FEZ1: variants seen among roughly 807,000 people sequenced by gnomAD.
FEZ1 encodes fasciculation and elongation protein zeta 1, also known as fasciculation and elongation protein zeta-1.
FEZ1 carries 20 observed loss-of-function variants against 49.3 expected under a neutral mutation model. The observed-to-expected ratio is 0.41, with a 90% CI of 0.29 to 0.59. The LOEUF is 0.59. FEZ1 is among the 20% of genes least tolerant of loss of function. The probability of loss-of-function intolerance (pLI) is 0.36; values close to 1 mark genes in which losing one functional copy is unlikely to be tolerated. For synonymous variants in FEZ1, 170 were observed against 180.9 expected, an observed-to-expected ratio of 0.94 and a Z score of 0.48; for missense variants, 413 against 476.0, an observed-to-expected ratio of 0.87 and a Z score of 1.23.
intron 5 of FEZ1, among the ~76,000 whole-genome samples, chr11:125,457,097 C>T (rs937358577): frequency 1.3e-5 from 2 of 151,638 alleles, no homozygotes; most frequent in Non-Finnish European, 2.9e-5. Context: ...GCAGGAGAAC[C>T]GCTTGAACCT....
intron 3 of FEZ1, among the ~76,000 whole-genome samples, chr11:125,466,031 CT>C (rs1957126849): frequency 6.6e-6 from 1 of 152,206 alleles, no homozygotes; most frequent in Admixed American, 6.5e-5. Flanking sequence ...AATGACAGCC[CT>C]TGTGCATATA....
At chr11:125,485,200 C>T (rs1386592847) in intron 2 of FEZ1, among the ~76,000 whole-genome samples, 1 of 152,188 alleles carries the variant, frequency 6.6e-6, no homozygotes, top group Non-Finnish European at 1.5e-5. Context: ...TTTGCTCTCT[C>T]CATCCCTGTA....
Position 125,455,916 on chromosome 11 carries a change from T to G in FEZ1, c.858A>C (p.Glu286Asp). 2 of 1,613,504 alleles carry G rather than the reference T, an allele frequency of 1.2e-6. No individual in the cohort carries two copies. The highest frequency in any genetic ancestry group is 1.7e-6 in the Non-Finnish European group (2 of 1,179,934). The change falls in exon 6 of 10, where the codon GAA becomes GAC. Residue 286 changes from glutamate (E) to aspartate (D), a missense_variant. By Grantham distance (45) the Glu-to-Asp change is conservative. Coordinates refer to ENST00000278919, the MANE Select transcript of FEZ1 (RefSeq NM_005103.5). Reference sequence around the variant, plus strand: ...TCTCTTTCCGCCTCTTTTTCATCAGTTCTCGCTGCTCCTTCTGCTTGTTCT... The same window carrying G: ...TCTCTTTCCGCCTCTTTTTCATCAGGTCTCGCTGCTCCTTCTGCTTGTTCT... ...EVQNKQKEQR[E>D]LMKKRRKEKG...
At position 125,444,559 on chromosome 11, in the gene FEZ1, T is replaced by C. The variant is rs563481801; in HGVS notation, c.*1536A>G. Among the ~76,000 whole-genome samples the C allele has an allele frequency of 6.6e-6, 1 of 151,702 alleles. No individual in the cohort carries two copies. Among genetic ancestry groups the C allele is most frequent in the South Asian group, 2.1e-4 (1 of 4,804 alleles). ...GAGATAGCGCCATTGTACTCCAGCCTGAGCAACAAGAGTCAAACTCCGTCT... is the reference window on the plus strand; with the variant it reads ...GAGATAGCGCCATTGTACTCCAGCCCGAGCAACAAGAGTCAAACTCCGTCT... On this transcript the variant is annotated 3_prime_UTR_variant, in exon 10 of 10. Coordinates refer to ENST00000278919, the MANE Select transcript of FEZ1 (RefSeq NM_005103.5).
chr11:125,457,951 G>GT (rs1555178570), intron 5 of FEZ1, among the ~76,000 whole-genome samples: 1 of 151,860 alleles, frequency 6.6e-6, no homozygotes, highest in Non-Finnish European at 1.5e-5. Flanking sequence ...TCCCCCTTCT[G>GT]TTTTTTTGCC....
chr11:125,476,475 G>GA (rs35527430), intron 3 of FEZ1, among the ~76,000 whole-genome samples: 3,122 of 152,056 alleles, frequency 0.021, 119 homozygotes, highest in African/African-American at 0.071. Flanking sequence ...TAAATCTTCA[G>GA]AAAAAATAAT....
chr11:125,472,102 TCAG>T (rs1957189272), intron 3 of FEZ1, among the ~76,000 whole-genome samples: 2 of 152,082 alleles, frequency 1.3e-5, no homozygotes. Context: ...TATGTAGAAT[TCAG>T]CTAAAACAGT....
intron 3 of FEZ1, among the ~76,000 whole-genome samples, chr11:125,475,008 G>A (rs567242648): frequency 6.6e-6 from 1 of 152,236 alleles, no homozygotes; most frequent in Non-Finnish European, 1.5e-5. Context: ...GCACAGTCAC[G>A]CCTGTAATCC....
Position 125,473,195 on chromosome 11 carries a change from C to T in FEZ1, c.411+8339G>A, listed in dbSNP as rs78960739. Among the ~76,000 whole-genome samples the T allele has an allele frequency of 7.4e-3, 1,128 of 152,130 alleles. 13 individuals carry two copies. Among genetic ancestry groups the T allele is most frequent in the African/African-American group, 0.026 (1,081 of 41,504 alleles). ...TAGGGATGATAAAAAAAGACACACA[C>T]ATATATATATCATTGAAACAGAAAA... On this transcript the variant is annotated intron_variant, in intron 3 of 9. Coordinates refer to ENST00000278919, the MANE Select transcript of FEZ1 (RefSeq NM_005103.5).
rs754333097 is a variant in FEZ1, at chr11:125,455,838, G to T, written c.936C>A (p.Leu312=). 6.2e-7 allele frequency: 1 copy of T among 1,613,936 alleles called. No individual in the cohort carries two copies. Residue 312 remains leucine (L), a synonymous_variant, in exon 6 of 10, where the codon CTC becomes CTA. Coordinates refer to ENST00000278919, the MANE Select transcript of FEZ1 (RefSeq NM_005103.5). ...SRIEKGNQMP[L]KRFSMEGISN... ...TTCCACCTGGTTGTTCACCTACCTTGAGAGGCATCTGGTTTCCCTTCTCTA... is the reference window on the plus strand; with the variant it reads ...TTCCACCTGGTTGTTCACCTACCTTTAGAGGCATCTGGTTTCCCTTCTCTA...
intron 5 of FEZ1, among the ~76,000 whole-genome samples, chr11:125,458,523 T>A (rs1394619385): frequency 3.9e-5 from 6 of 152,138 alleles, no homozygotes; most frequent in Non-Finnish European, 8.8e-5. Flanking sequence ...TAAGCACAAA[T>A]ACAAATTTTA....
chr11:125,466,305 A>T (rs1240361999), intron 3 of FEZ1, among the ~76,000 whole-genome samples: 1 of 151,874 alleles, frequency 6.6e-6, no homozygotes, highest in Non-Finnish European at 1.5e-5. Flanking sequence ...ACATGGCAAG[A>T]CTCCGTCTCT....
chr11:125,457,429 A>AAAAAAT (rs1164500309), intron 5 of FEZ1, among the ~76,000 whole-genome samples: 13 of 20,908 alleles, frequency 6.2e-4, no homozygotes, highest in Admixed American at 1.1e-3. Flanking sequence ...AAAAAAAAAA[A>AAAAAAT]ATATATATAT....
rs1956888738 is a variant in FEZ1 at position 125,445,259 on chromosome 11, G to A, written c.*836C>T. On this transcript the variant is annotated 3_prime_UTR_variant, in exon 10 of 10. Transcript: ENST00000278919. This position sits in a 1 kb window ranked among gnomAD's most constrained non-coding sequence, Gnocchi z 4.4. ...AAACAGGGAGTGGTGGTTTCGTCAA[G>A]TACAGGAAACAAGTTGCAGTCCCCT... Among the ~76,000 whole-genome samples, 1 of 152,240 alleles carries A rather than the reference G, an allele frequency of 6.6e-6. No individual in the cohort carries two copies. Among genetic ancestry groups the A allele is most frequent in the South Asian group, 2.1e-4 (1 of 4,836 alleles).
intron 3 of FEZ1, among the ~76,000 whole-genome samples, chr11:125,470,787 T>C (rs1957176595): frequency 6.6e-6 from 1 of 152,200 alleles, no homozygotes; most frequent in East Asian, 1.9e-4. Context: ...AAATAAGGAA[T>C]GCCAGAAATG....
chr11:125,446,235 A>G (rs1956897953), intron 9 of FEZ1, 124 bp from the exon 10 acceptor site: 3 of 837,356 alleles, frequency 3.6e-6, no homozygotes, highest in Admixed American at 1.8e-5. Context: ...GCCCCCACTT[A>G]GTGCCTAGAA....
chr11:125,450,444 A>C (rs1956943649), intron 8 of FEZ1, among the ~76,000 whole-genome samples: 1 of 152,276 alleles, frequency 6.6e-6, no homozygotes, highest in South Asian at 2.1e-4. Context: ...TCACGTAAAA[A>C]TACAATAATT....
intron 6 of FEZ1, 42 bp downstream of exon 6, chr11:125,455,793 G>A: frequency 6.2e-7 from 1 of 1,608,860 alleles, no homozygotes; most frequent in Non-Finnish European, 8.5e-7. Context: ...GGCAGGGTTG[G>A]AGGTTGGAGG....
chr11:125,446,686 T>C (rs1327825381), intron 9 of FEZ1, among the ~76,000 whole-genome samples: 1 of 152,152 alleles, frequency 6.6e-6, no homozygotes, highest in Admixed American at 6.5e-5. Flanking sequence ...GTTTGTTTGT[T>C]TGTTTTTTTG....
Sources: gnomAD v4.1 joint callset for allele counts (sites outside exome capture counted in the v4.1 genomes callset) on GRCh38, gnomAD v4.1.1 for gene constraint, Gnocchi (gnomAD v3.1) non-coding constraint, MANE v1.5 for transcripts, NCBI Gene and HGNC (gene_info 2026-07-23, HGNC 2026-07-21) for gene names.